Variants in NFAM1 observed in about 807,000 individuals in gnomAD.
NFAM1 encodes NFAT activation molecule 1.
Under a neutral mutation model 29.0 loss-of-function variants are expected in NFAM1, and 17 were observed. The ratio of observed to expected loss-of-function variants is 0.59; its 90% CI spans 0.40 to 0.88. NFAM1 has a LOEUF of 0.88. Among genes scored for constraint, NFAM1 ranks in the 40% least tolerant of loss-of-function variants. The pLI, the probability that NFAM1 is intolerant of heterozygous loss-of-function variation, is 0.00. For missense variants in NFAM1, 324 were observed against 344.6 expected, an observed-to-expected ratio of 0.94 and a Z score of 0.47; for synonymous variants, 175 against 147.2, an observed-to-expected ratio of 1.19 and a Z score of -1.36.
intron 1 of NFAM1, among the ~76,000 whole-genome samples, chr22:42,429,032 G>T (rs1343102078): frequency 6.6e-6 from 1 of 152,166 alleles, no homozygotes; most frequent in African/African-American, 2.4e-5. Context: ...GAAGCCAGAG[G>T]ACAGGCCCAA....
At position 42,419,670 on chromosome 22, in the gene NFAM1, C is replaced by T. The variant is rs752847934; in HGVS notation, c.122-7934G>A. On this transcript the variant is annotated intron_variant, in intron 1 of 5. Transcript: ENST00000329021. The surrounding 1 kb of genome is among the most constrained non-coding windows in gnomAD (Gnocchi z 4.5). ...GACGTCAGCCTGCCACACTCCGGCGCCTTCGCCCGTGCTGTTCCGGCTGTG... is the reference window on the plus strand; with the variant it reads ...GACGTCAGCCTGCCACACTCCGGCGTCTTCGCCCGTGCTGTTCCGGCTGTG... Among the ~76,000 whole-genome samples the T allele has an allele frequency of 6.6e-6, 1 of 152,186 alleles. No homozygotes were observed. Among genetic ancestry groups the T allele is most frequent in the African/African-American group, 2.4e-5 (1 of 41,462 alleles).
At chr22:42,429,297 G>A (rs1930720872) in intron 1 of NFAM1, among the ~76,000 whole-genome samples, 1 of 152,194 alleles carries the variant, frequency 6.6e-6, no homozygotes, top group Admixed American at 6.5e-5. Flanking sequence ...ATCTGCCCAG[G>A]GTGCCTGGGC....
intron 3 of NFAM1, among the ~76,000 whole-genome samples, chr22:42,405,621 A>C (rs2147103619): frequency 6.6e-6 from 1 of 152,284 alleles, no homozygotes; most frequent in East Asian, 1.9e-4. Flanking sequence ...GGCAGCCTGA[A>C]GCCAGTGGGT....
intron 2 of NFAM1, chr22:42,410,225 G>C (rs966814453): frequency 5.0e-6 from 1 of 198,860 alleles, no homozygotes; most frequent in Non-Finnish European, 1.1e-5. Flanking sequence ...CGGGCAAGCA[G>C]CAGGACAGAG....
intron 1 of NFAM1, among the ~76,000 whole-genome samples, chr22:42,413,023 T>C (rs1321045106): frequency 6.6e-6 from 1 of 152,204 alleles, no homozygotes; most frequent in Non-Finnish European, 1.5e-5. Flanking sequence ...GTTTGGATCC[T>C]GGGCTGGGGG....
intron 4 of NFAM1, among the ~76,000 whole-genome samples, chr22:42,393,288 C>T (rs185262093): frequency 3.3e-5 from 5 of 152,264 alleles, no homozygotes; most frequent in Non-Finnish European, 7.4e-5. Flanking sequence ...TGGTGGTATG[C>T]ACCTGTAATT....
In NFAM1 at chr22:42,386,976, A is replaced by T. The variant is rs201929782; in HGVS notation, c.753+13T>A. On this transcript the variant is annotated intron_variant, in intron 5 of 5. Coordinates refer to ENST00000329021, the MANE Select transcript of NFAM1 (RefSeq NM_145912.8). ...AGCAAGAAGCCAGGCTTGGTGCCCC[A>T]GCGCCTGTGTACCTGGGAGAGGGGG... 7 of 1,454,374 alleles carry T rather than the reference A, an allele frequency of 4.8e-6. No homozygotes were observed. The East Asian group carries it at 1.5e-4, about 32-fold the overall frequency. The allele number at this position is 1,454,374 out of a possible 1,614,324, so 90.1% of individuals were successfully genotyped here.
At chr22:42,413,370 G>A (rs907622298) in intron 1 of NFAM1, among the ~76,000 whole-genome samples, 3 of 152,328 alleles carry the variant, frequency 2.0e-5, no homozygotes, top group Admixed American at 2.0e-4. Context: ...CCCAAAGGGA[G>A]GCCAGCCTTC....
At chr22:42,434,959 G>A (rs528873373), upstream of NFAM1, among the ~76,000 whole-genome samples, 1 of 152,226 alleles carries the variant, frequency 6.6e-6, no homozygotes, top group African/African-American at 2.4e-5. Flanking sequence ...CTGGCCTCAC[G>A]GAGGCTGTAG....
chr22:42,385,340 A>C, intron 5 of NFAM1, 120 bp from the exon 6 acceptor site: 1 of 752,004 alleles, frequency 1.3e-6, no homozygotes, highest in South Asian at 1.5e-5. Context: ...TGTAGCTTTG[A>C]TGGGGGGCCT....
intron 1 of NFAM1, among the ~76,000 whole-genome samples, chr22:42,429,321 C>G (rs1930721498): frequency 6.6e-6 from 1 of 152,170 alleles, no homozygotes; most frequent in South Asian, 2.1e-4. Context: ...TAGCAGAGCT[C>G]AAATTCAAAC....
At chr22:42,418,248 C>CT (rs1395710667) in intron 1 of NFAM1, among the ~76,000 whole-genome samples, 2 of 152,236 alleles carry the variant, frequency 1.3e-5, no homozygotes, top group Non-Finnish European at 2.9e-5. Flanking sequence ...ACCTCAGTGT[C>CT]TCCCCACAAC....
upstream of NFAM1, among the ~76,000 whole-genome samples, chr22:42,434,978 G>C (rs1213970981): frequency 6.6e-6 from 1 of 152,240 alleles, no homozygotes; most frequent in Non-Finnish European, 1.5e-5. Context: ...AGAAGTGAAA[G>C]AGCCTAGCCT....
chr22:42,427,492 C>T (rs1180797736), intron 1 of NFAM1, among the ~76,000 whole-genome samples: 1 of 152,174 alleles, frequency 6.6e-6, no homozygotes, highest in Non-Finnish European at 1.5e-5. Context: ...GTGCTGGTCC[C>T]GTGCTGGGAG....
chr22:42,406,153 G>C (rs7291984), intron 3 of NFAM1, among the ~76,000 whole-genome samples: 4,262 of 37,646 alleles, frequency 0.11, 206 homozygotes, highest in African/African-American at 0.24. Flanking sequence ...CGGGGCAGGC[G>C]CAGATCCAAA....
chr22:42,424,941 A>C (rs1930576132), intron 1 of NFAM1, among the ~76,000 whole-genome samples: 1 of 145,416 alleles, frequency 6.9e-6, no homozygotes, highest in African/African-American at 2.6e-5. Flanking sequence ...TTATTTTCTG[A>C]GATGGAGTCT....
At chr22:42,397,008 G>A (rs1009782625) in intron 4 of NFAM1, among the ~76,000 whole-genome samples, 10 of 152,250 alleles carry the variant, frequency 6.6e-5, no homozygotes, top group East Asian at 1.9e-4. Flanking sequence ...CCTTCCAGGC[G>A]TGGAGTGGGG....
chr22:42,395,159 G>A lies in NFAM1; in HGVS notation c.663+2699C>T, dbSNP rs1417777711. Among the ~76,000 whole-genome samples, 8 of 147,544 alleles carry A rather than the reference G, an allele frequency of 5.4e-5. No individual in the cohort carries two copies. In the East Asian group the frequency reaches 1.6e-3, roughly 30 times the overall value. On this transcript the variant is annotated intron_variant, in intron 4 of 5. Coordinates refer to ENST00000329021, the MANE Select transcript of NFAM1 (RefSeq NM_145912.8). ...ACTGCACTCCAGCCTGAGTGACAGA[G>A]AAAGACCCTGTCTCAAAAAAAAAAA...
upstream of NFAM1, among the ~76,000 whole-genome samples, chr22:42,436,307 G>A (rs1930938797): frequency 6.6e-6 from 1 of 152,172 alleles, no homozygotes; most frequent in African/African-American, 2.4e-5. Flanking sequence ...AAAGACTCCA[G>A]CACCAAGAGG....
Sources: gnomAD v4.1 joint callset for allele counts (sites outside exome capture counted in the v4.1 genomes callset) on GRCh38, gnomAD v4.1.1 for gene constraint, Gnocchi (gnomAD v3.1) non-coding constraint, MANE v1.5 for transcripts, NCBI Gene and HGNC (gene_info 2026-07-23, HGNC 2026-07-21) for gene names.